Variants in RELCH observed in about 807,000 individuals in gnomAD.
RELCH encodes RAB11 binding and LisH domain, coiled-coil and HEAT repeat containing, also known as RAB11-binding protein RELCH.
A neutral mutation model predicts 150.3 loss-of-function variants in RELCH; 41 were observed. The observed-to-expected ratio is 0.27, with a 90% confidence interval of 0.21 to 0.35. The LOEUF (loss-of-function observed/expected upper bound fraction) is 0.35, where lower values mean the gene tolerates loss of function less well. RELCH is among the 10% of genes least tolerant of loss of function. The pLI is 1.00. For missense variants in RELCH, 1,092 were observed against 1,467.8 expected (o/e 0.74, Z 4.18); for synonymous variants, 478 against 531.8 (o/e 0.90, Z 1.39).
chr18:62,258,589 A>G lies in RELCH; in HGVS notation c.2115A>G (p.Pro705=). 1.9e-6 allele frequency: 3 copies of G among 1,605,628 alleles called. No individual in the cohort carries two copies. Among genetic ancestry groups the G allele is most frequent in the Non-Finnish European group, 1.7e-6 (2 of 1,177,158 alleles). ...VVSATHQVFL[P]AYAAWTTELG... ...GTGCTACACATCAAGTATTTTTACC[A>G]GCTTACGCTGCGTGGACTACAGAAC... Residue 705 remains proline, a synonymous_variant, in exon 15 of 29, where the codon CCA becomes CCG. Transcript: ENST00000644646.
chr18:62,192,771 G>A (rs919430524), intron 1 of RELCH, among the ~76,000 whole-genome samples: 2 of 152,152 alleles, frequency 1.3e-5, no homozygotes, highest in African/African-American at 2.4e-5. Flanking sequence ...GTACCATGCT[G>A]TTTTGGTTAC....
chr18:62,221,849 A>C (rs1209380864), intron 5 of RELCH, among the ~76,000 whole-genome samples: 2 of 151,670 alleles, frequency 1.3e-5, no homozygotes, highest in Non-Finnish European at 2.9e-5. Flanking sequence ...TTAACTATAA[A>C]CCTCTTCAAT....
intron 5 of RELCH, among the ~76,000 whole-genome samples, chr18:62,224,108 T>C (rs1223750803): frequency 1.3e-5 from 2 of 152,064 alleles, no homozygotes; most frequent in Non-Finnish European, 2.9e-5. Flanking sequence ...CCTAACGCTA[T>C]CCCTCCCCCA....
chr18:62,219,768 G>A (rs975829516), intron 2 of RELCH, among the ~76,000 whole-genome samples: 7 of 152,014 alleles, frequency 4.6e-5, no homozygotes, highest in Middle Eastern at 3.4e-3. Context: ...AAAATAATTG[G>A]CCTTTGTGTA....
intron 25 of RELCH, among the ~76,000 whole-genome samples, chr18:62,282,775 A>G (rs2044586845): frequency 6.6e-6 from 1 of 152,204 alleles, no homozygotes; most frequent in Non-Finnish European, 1.5e-5. Flanking sequence ...CTCCTGCCTC[A>G]GCCTCCCAAG....
At chr18:62,229,485 G>GGTGTGTGTGTGTGTGT (rs58842870) in intron 8 of RELCH, among the ~76,000 whole-genome samples, 108 of 143,424 alleles carry the variant, frequency 7.5e-4, no homozygotes, top group African/African-American at 2.1e-3. Context: ...GTATAGTAGG[G>GGTGTGTGTGTGTGTGT]GTGTGTGTGT....
intron 10 of RELCH, among the ~76,000 whole-genome samples, chr18:62,240,200 T>C (rs1234012907): frequency 1.3e-5 from 2 of 151,988 alleles, no homozygotes; most frequent in Admixed American, 6.6e-5. Flanking sequence ...CTTAGCTGCT[T>C]TGGAACAGAT....
intron 1 of RELCH, among the ~76,000 whole-genome samples, chr18:62,193,476 T>C (rs993825320): frequency 1.3e-5 from 2 of 152,204 alleles, no homozygotes; most frequent in Non-Finnish European, 2.9e-5. Flanking sequence ...CTTTTGCCCA[T>C]TCAGTATGAT....
chr18:62,270,440 A>G (rs60376101), intron 20 of RELCH, among the ~76,000 whole-genome samples: 41 of 152,292 alleles, frequency 2.7e-4, no homozygotes, highest in African/African-American at 9.6e-4. Flanking sequence ...AAAGCATAGT[A>G]GTAATTTTTA....
rs2043419771 is a variant in RELCH, at chr18:62,264,086, C to T, written c.2448C>T (p.Tyr816=). Residue 816 remains tyrosine, a synonymous_variant, in exon 17 of 29, where the codon TAC becomes TAT. Transcript: ENST00000644646. ...QLAVLLQLYD[Y]QLEQEGTTGW... is the part of the protein sequence containing the mutation. ...CAGTGCTGCTGCAACTTTATGACTA[C>T]CAGCTAGAACAAGAGGGTACAACAG... 6.2e-7 allele frequency: 1 copy of T among 1,604,624 alleles called. No homozygotes were observed. Among genetic ancestry groups the T allele is most frequent in the Non-Finnish European group, 8.5e-7 (1 of 1,176,420 alleles).
intron 10 of RELCH, among the ~76,000 whole-genome samples, chr18:62,243,233 C>T (rs1246939403): frequency 2.0e-5 from 3 of 152,048 alleles, no homozygotes; most frequent in Admixed American, 2.0e-4. Context: ...TTAATGATCT[C>T]CTACCCTAAT....
In RELCH at chr18:62,227,663, G is replaced by C. The variant is rs1599925113; in HGVS notation, c.1128G>C (p.Leu376Phe). 2 of 1,556,502 alleles carry C rather than the reference G, an allele frequency of 1.3e-6. No homozygotes were observed. The highest frequency in any genetic ancestry group is 8.8e-7 in the Non-Finnish European group (1 of 1,132,906). ...TGTTAAATAGTGAGAAATGGTCATT[G>C]ATGGAGCAAATCAGAAGACTTAAAA... The part of the protein sequence containing the change: ...ISLLNSEKWS[L>F]MEQIRRLKSE... Residue 376 changes from leucine (L) to phenylalanine (F), a missense_variant, in exon 7 of 29, where the codon TTG becomes TTC. Leu to Phe is a conservative substitution (Grantham distance 22). Coordinates refer to ENST00000644646, the MANE Select transcript of RELCH (RefSeq NM_001346231.2).
chr18:62,201,470 AT>A (rs893159951), intron 1 of RELCH, among the ~76,000 whole-genome samples: 6 of 151,840 alleles, frequency 4.0e-5, no homozygotes, highest in African/African-American at 9.7e-5. Flanking sequence ...GAATTGCTTG[AT>A]TTTTTTTCCA....
rs188969281 is a variant in RELCH, at chr18:62,236,612, G to T, written c.1620+4185G>T. Among the ~76,000 whole-genome samples, 233 of 151,946 alleles carry T rather than the reference G, an allele frequency of 1.5e-3. 1 individual carries two copies. The highest frequency in any genetic ancestry group is 5.3e-3 in the African/African-American group (222 of 41,524). On this transcript the variant is annotated intron_variant, in intron 10 of 28. Coordinates refer to ENST00000644646, the MANE Select transcript of RELCH (RefSeq NM_001346231.2). ...TTATCTGATTTGTTGATGAACAGTT[G>T]TTCATAGTATTAACTTATATCTTTT...
intron 1 of RELCH, among the ~76,000 whole-genome samples, chr18:62,196,533 T>A (rs1486269761): frequency 1.3e-5 from 2 of 152,164 alleles, no homozygotes; most frequent in Admixed American, 1.3e-4. Flanking sequence ...CCCGGCCCCA[T>A]CACAACATTT....
chr18:62,260,193 C>CTAAAAAAAAAA (rs2043185299), intron 15 of RELCH, among the ~76,000 whole-genome samples: 1 of 95,810 alleles, frequency 1.0e-5, no homozygotes, highest in African/African-American at 4.1e-5. Context: ...AACTCAACAG[C>CTAAAAAAAAAA]AAAAAAAAAA....
At chr18:62,241,962 T>C (rs2042169393) in intron 10 of RELCH, among the ~76,000 whole-genome samples, 1 of 152,206 alleles carries the variant, frequency 6.6e-6, no homozygotes, top group African/African-American at 2.4e-5. Context: ...GAAATTAGCA[T>C]ATTTGGGGGC....
At chr18:62,251,585 T>G (rs1035060228) in intron 11 of RELCH, among the ~76,000 whole-genome samples, 3 of 152,174 alleles carry the variant, frequency 2.0e-5, no homozygotes, top group Non-Finnish European at 4.4e-5. Context: ...TAGACACAAG[T>G]CACTAGGCCC....
chr18:62,255,844 A>G (rs1233675251), intron 13 of RELCH, among the ~76,000 whole-genome samples: 3 of 152,086 alleles, frequency 2.0e-5, no homozygotes, highest in African/African-American at 7.2e-5. Flanking sequence ...TTGTTGGTGC[A>G]AAAGCAGGGA....
Sources: gnomAD v4.1 joint callset for allele counts (sites outside exome capture counted in the v4.1 genomes callset) on GRCh38, gnomAD v4.1.1 for gene constraint, MANE v1.5 for transcripts, NCBI Gene and HGNC (gene_info 2026-07-23, HGNC 2026-07-21) for gene names.